USH2A: variants seen among roughly 807,000 people sequenced by gnomAD.
The protein encoded by USH2A is Usher syndrome 2A (autosomal recessive, mild).
In USH2A, 443 loss-of-function variants were observed where a neutral mutation model predicts 538.9. The observed-to-expected ratio is 0.82, with a 90% CI of 0.76 to 0.89. The LOEUF is 0.89. Ranked by LOEUF, USH2A falls within the 40% of genes least tolerant of loss-of-function variation. The probability of loss-of-function intolerance (pLI) is 0.00; values close to 1 mark genes in which losing one functional copy is unlikely to be tolerated. For missense variants in USH2A, 6,633 were observed against 6,324.8 expected (o/e 1.05, Z -1.65); for synonymous variants, 2,413 against 2,273.5 (o/e 1.06, Z -1.75).
chr1:215,643,817 A>AG (rs1256127217), intron 67 of USH2A, among the ~76,000 whole-genome samples: 2 of 152,196 alleles, frequency 1.3e-5, no homozygotes, highest in African/African-American at 4.8e-5. Context: ...AGTGTGAGCC[A>AG]GTGTGCCTGG....
chr1:215,861,899 G>T (rs1222048436), intron 44 of USH2A, among the ~76,000 whole-genome samples: 1 of 148,354 alleles, frequency 6.7e-6, no homozygotes, highest in Non-Finnish European at 1.5e-5. Context: ...GAGTGCAGTG[G>T]CACGATCTCG....
intron 20 of USH2A, among the ~76,000 whole-genome samples, chr1:216,181,006 G>A (rs61333990): frequency 0.025 from 3,744 of 152,116 alleles, 156 homozygotes; most frequent in African/African-American, 0.085. Flanking sequence ...GTTTTCCCCC[G>A]AAACTCTCAG....
intron 13 of USH2A, 71 bp from the exon 14 acceptor site, chr1:216,232,207 A>C: frequency 6.7e-7 from 1 of 1,494,260 alleles, no homozygotes; most frequent in South Asian, 1.3e-5. Flanking sequence ...ATAATAATTG[A>C]TTACACAGAA....
At chr1:215,994,038 T>C (rs891689206) in intron 34 of USH2A, among the ~76,000 whole-genome samples, 3 of 152,196 alleles carry the variant, frequency 2.0e-5, no homozygotes, top group Admixed American at 1.3e-4. Flanking sequence ...TTAGTAATTA[T>C]ATCCTTATAT....
chr1:216,375,496 C>T (rs976404909), intron 3 of USH2A, among the ~76,000 whole-genome samples: 1 of 152,148 alleles, frequency 6.6e-6, no homozygotes, highest in Non-Finnish European at 1.5e-5. Flanking sequence ...TTGCTCACTT[C>T]TCTCAGCCTT....
intron 11 of USH2A, among the ~76,000 whole-genome samples, chr1:216,266,118 T>G (rs899703164): frequency 3.9e-5 from 6 of 152,140 alleles, no homozygotes; most frequent in South Asian, 4.1e-4. Context: ...TACACTGATT[T>G]GATACTCACA....
At chr1:215,839,655 A>C (rs577754279) in intron 46 of USH2A, among the ~76,000 whole-genome samples, 2 of 152,168 alleles carry the variant, frequency 1.3e-5, no homozygotes, top group Non-Finnish European at 1.5e-5. Context: ...AATGTTAGAG[A>C]AATGTGCCAA....
rs961580455 is a variant in USH2A, at chr1:216,175,443, T to A, written c.4436A>T (p.Asn1479Ile). The change falls in exon 21 of 72, where the codon AAC becomes ATC. Residue 1479 changes from asparagine to isoleucine, a missense_variant. Coordinates refer to ENST00000307340, the MANE Select transcript of USH2A (RefSeq NM_206933.4). ...QLRPPLVKGI[N>I]STTIHLRWFP... ...CCACCTAAGATGGATTGTTGTGCTG[T>A]TGATTCCTTTAACCAGAGGTGGCCT... The A allele has an allele frequency of 2.6e-5, 42 of 1,613,716 alleles. No homozygotes were observed. The highest frequency in any genetic ancestry group is 3.1e-5 in the Non-Finnish European group (37 of 1,179,882).
At chr1:216,071,740 A>G (rs1470178182) in intron 29 of USH2A, among the ~76,000 whole-genome samples, 1 of 152,218 alleles carries the variant, frequency 6.6e-6, no homozygotes, top group African/African-American at 2.4e-5. Flanking sequence ...AGCGGGCTTT[A>G]TATTTGTTAA....
intron 4 of USH2A, among the ~76,000 whole-genome samples, chr1:216,342,750 C>A (rs1571721282): frequency 6.6e-6 from 1 of 152,066 alleles, no homozygotes; most frequent in Non-Finnish European, 1.5e-5. Flanking sequence ...GAAAACCAAA[C>A]ACCACATGTT....
At position 216,341,915 on chromosome 1, in the gene USH2A, C is replaced by G. The variant is rs562597923; in HGVS notation, c.785-14261G>C. On this transcript the variant is annotated intron_variant, in intron 4 of 71. Coordinates refer to ENST00000307340, the MANE Select transcript of USH2A (RefSeq NM_206933.4). ...ACCCTAGAAGAAAACCTAGGCGATA[C>G]CATTCAGGACATAGGCATAGGCAAA... 9.9e-4 allele frequency among the ~76,000 whole-genome samples: 150 copies of G among 152,254 alleles called. 1 individual carries two copies. The highest frequency in any genetic ancestry group is 3.5e-3 in the African/African-American group (144 of 41,560).
intron 30 of USH2A, among the ~76,000 whole-genome samples, chr1:216,054,952 T>C (rs1472088853): frequency 6.6e-6 from 1 of 152,118 alleles, no homozygotes; most frequent in African/African-American, 2.4e-5. Flanking sequence ...CTACCCTGAG[T>C]CCAAAGTCAG....
chr1:216,294,599 G>A (rs1558370402), intron 9 of USH2A, among the ~76,000 whole-genome samples: 2 of 151,128 alleles, frequency 1.3e-5, no homozygotes, highest in Non-Finnish European at 3.0e-5. Context: ...AGAAAATTAT[G>A]AGATGAAATT....
intron 32 of USH2A, among the ~76,000 whole-genome samples, chr1:216,037,655 C>G (rs573825904): frequency 6.6e-6 from 1 of 152,138 alleles, no homozygotes; most frequent in African/African-American, 2.4e-5. Context: ...AGTTTTGGCA[C>G]CCACTAAGTA....
chr1:215,812,223 T>C (rs940653675), intron 49 of USH2A, among the ~76,000 whole-genome samples: 2 of 151,908 alleles, frequency 1.3e-5, no homozygotes, highest in Non-Finnish European at 2.9e-5. Flanking sequence ...CGACTTCAGG[T>C]GATCCACCCG....
At chr1:215,792,322 A>C (rs975720407) in intron 50 of USH2A, among the ~76,000 whole-genome samples, 1 of 152,196 alleles carries the variant, frequency 6.6e-6, no homozygotes, top group African/African-American at 2.4e-5. Context: ...GTATTACTGA[A>C]TTGAAATTTT....
rs536439052 is a variant in USH2A at position 216,152,665 on chromosome 1, G to A, written c.4627+22587C>T. On this transcript the variant is annotated intron_variant, in intron 21 of 71. Coordinates refer to ENST00000307340, the MANE Select transcript of USH2A (RefSeq NM_206933.4). The stretch of plus-strand genomic sequence containing the variant: ...TTGCTCACACAAAGCCTGTTTGGTG[G>A]TCTCTTCACACGGACACGCATGAAA... Among the ~76,000 whole-genome samples, 6 of 152,290 alleles carry A rather than the reference G, an allele frequency of 3.9e-5. No individual in the cohort carries two copies. In the East Asian group the frequency reaches 1.2e-3, roughly 30 times the overall value.
intron 4 of USH2A, among the ~76,000 whole-genome samples, chr1:216,356,768 C>A (rs1046280228): frequency 6.6e-6 from 1 of 152,028 alleles, no homozygotes; most frequent in Admixed American, 6.6e-5. Context: ...AATCATTCTA[C>A]AATGAACATT....
At chr1:216,366,156 G>A (rs1400831346) in intron 3 of USH2A, among the ~76,000 whole-genome samples, 1 of 152,138 alleles carries the variant, frequency 6.6e-6, no homozygotes, top group African/African-American at 2.4e-5. Context: ...TGAAGGAGCT[G>A]AAATGGCAAA....
Sources: allele counts gnomAD v4.1 joint callset (sites outside exome capture counted in the v4.1 genomes callset), GRCh38; gene constraint gnomAD v4.1.1; transcripts MANE v1.5; gene names NCBI Gene and HGNC (gene_info 2026-07-23, HGNC 2026-07-21).